Variants in MYRF observed in about 807,000 individuals in gnomAD.
The protein encoded by MYRF is myelin regulatory factor, also known as myelin gene regulatory factor.
Under a neutral mutation model 126.3 loss-of-function variants are expected in MYRF, and 16 were observed. The ratio of observed to expected loss-of-function variants is 0.13; its 90% CI spans 0.09 to 0.19. The LOEUF (loss-of-function observed/expected upper bound fraction) is 0.19. Ranked by LOEUF, MYRF falls within the 10% of genes least tolerant of loss-of-function variation. The pLI is 1.00. For synonymous variants in MYRF, 608 were observed against 635.3 expected (o/e 0.96, Z 0.65); for missense variants, 1,104 against 1,547.0 (o/e 0.71, Z 4.80).
intron 1 of MYRF, among the ~76,000 whole-genome samples, chr11:61,762,475 T>C (rs1218653703): frequency 6.6e-6 from 1 of 152,188 alleles, no homozygotes; most frequent in African/African-American, 2.4e-5. Flanking sequence ...ATATGGCCCA[T>C]GTTCCGCTTC....
At chr11:61,768,494 A>C (rs532846039) in intron 3 of MYRF, 7 of 152,394 alleles carry the variant, frequency 4.6e-5, no homozygotes, top group African/African-American at 1.7e-4. Flanking sequence ...AGGTTTCTAC[A>C]TGAGGCCCCG....
rs1186754927 is a variant in MYRF, at chr11:61,757,315, G to C, written c.46+4525G>C. On this transcript the variant is annotated intron_variant, in intron 1 of 26. Transcript: ENST00000278836. This position sits in a 1 kb window ranked among gnomAD's most constrained non-coding sequence, Gnocchi z 4.7. ...TTCCTAGCTCTCCTGCTTACCCACA[G>C]TGCTTCTCTTGGCCGTATCAGGGCA... The C allele has an allele frequency of 2.2e-6, 1 of 456,546 alleles. No homozygotes were observed. The allele number at this position is 456,546 out of a possible 1,614,324, so 28.3% of individuals were successfully genotyped here.
intron 1 of MYRF, among the ~76,000 whole-genome samples, chr11:61,762,009 C>T (rs1255409092): frequency 2.6e-5 from 4 of 152,184 alleles, no homozygotes; most frequent in African/African-American, 9.7e-5. Context: ...TTACAACGCC[C>T]CTGCCCATCC....
chr11:61,756,018 GGTAA>G (rs2065741106), intron 1 of MYRF, among the ~76,000 whole-genome samples: 2 of 152,166 alleles, frequency 1.3e-5, no homozygotes, highest in African/African-American at 4.8e-5. Context: ...CCCCTCCCAG[GGTAA>G]GTAAGTGGGT....
In MYRF at chr11:61,776,840, C is replaced by T. The variant is rs562652459; in HGVS notation, c.1553C>T (p.Thr518Met). The change falls in exon 11 of 27, where the codon ACG becomes ATG. Residue 518 changes from threonine (T) to methionine (M), a missense_variant. Around this residue, in one of 10 missense-constraint regions of MYRF, gnomAD observed 48 missense variants for 148.2 expected, o/e 0.32. Coordinates refer to ENST00000278836, the MANE Select transcript of MYRF (RefSeq NM_001127392.3). The surrounding 1 kb of genome is among the most constrained non-coding windows in gnomAD (Gnocchi z 4.3). ...GCTCATGCACAGAACCAGAACTACA[C>T]GCTGGCCGCCCAGATCTCAGAGCGC... Reference protein sequence around the residue: ...LQAHAQNQNYTLAAQISERII... With the variant: ...LQAHAQNQNYMLAAQISERII... 47 of 1,608,474 alleles carry T rather than the reference C, an allele frequency of 2.9e-5. No homozygotes were observed. The highest frequency in any genetic ancestry group is 2.5e-4 in the East Asian group (11 of 44,674).
rs2065798519 is a variant in MYRF at position 61,757,704 on chromosome 11, C to A, written c.46+4914C>A. The A allele has an allele frequency of 5.3e-6, 2 of 374,076 alleles. No individual in the cohort carries two copies. Among genetic ancestry groups the A allele is most frequent in the Admixed American group, 3.3e-5 (1 of 30,266 alleles). The allele number at this position is 374,076 out of a possible 1,614,324, so 23.2% of individuals were successfully genotyped here. ...CTGCCAGCAAGGAGGAGGGGCTTGG[C>A]TGTATTGTGACTTCATCTGCTGCAC... On this transcript the variant is annotated intron_variant, in intron 1 of 26. Coordinates refer to ENST00000278836, the MANE Select transcript of MYRF (RefSeq NM_001127392.3). This position sits in a 1 kb window ranked among gnomAD's most constrained non-coding sequence, Gnocchi z 4.7.
chr11:61,780,175 T>G, intron 17 of MYRF, 47 bp from the exon 18 acceptor site: 1 of 1,603,126 alleles, frequency 6.2e-7, no homozygotes, highest in Non-Finnish European at 8.5e-7. Flanking sequence ...GAGAGGGCAC[T>G]GGATGGTGGC....
At position 61,783,760 on chromosome 11, in the gene MYRF, C is replaced by A; in HGVS notation, c.3120-91C>A. 2 of 1,416,588 alleles carry A rather than the reference C, an allele frequency of 1.4e-6. No individual in the cohort carries two copies. Among genetic ancestry groups the A allele is most frequent in the South Asian group, 1.2e-5 (1 of 81,126 alleles). 87.8% of individuals were successfully genotyped at this position (1,416,588 alleles called of 1,614,324 possible). A position where few individuals can be genotyped will look rare whatever the true frequency, so the allele number is the denominator to read the frequency against. On this transcript the variant is annotated intron_variant, in intron 23 of 26. Coordinates refer to ENST00000278836, the MANE Select transcript of MYRF (RefSeq NM_001127392.3). This position sits in a 1 kb window ranked among gnomAD's most constrained non-coding sequence, Gnocchi z 4.6. ...CTTGGACACTGTCTCTTCTGGAGGGCTCCAGTACAGATTGGGGGCTGAGGA... is the reference window on the plus strand; with the variant it reads ...CTTGGACACTGTCTCTTCTGGAGGGATCCAGTACAGATTGGGGGCTGAGGA...
rs1347481176 is a variant in MYRF at position 61,774,014 on chromosome 11, C to T, written c.1163C>T (p.Ser388Leu). ...GATGCGGACAAGGGCTTCAACTTTT[C>T]GGTGGGCGACGACGCCTTTGTGTGC... ...RVDADKGFNF[S>L]VGDDAFVCQK... The change falls in exon 8 of 27, where the codon TCG (serine) becomes TTG (leucine). Residue 388 changes from serine (S) to leucine (L), a missense_variant. By Grantham distance (145) the Ser-to-Leu change is moderately radical (BLOSUM62 -2). Around this residue, in one of 10 missense-constraint regions of MYRF, gnomAD observed 87 missense variants for 129.2 expected, o/e 0.67. Coordinates refer to ENST00000278836, the MANE Select transcript of MYRF (RefSeq NM_001127392.3). 2 of 1,607,850 alleles carry T rather than the reference C, an allele frequency of 1.2e-6. No homozygotes were observed. The highest frequency in any genetic ancestry group is 2.7e-5 in the African/African-American group (2 of 74,776).
chr11:61,768,963 T>C (rs2135768872), intron 3 of MYRF, among the ~76,000 whole-genome samples: 1 of 152,224 alleles, frequency 6.6e-6, no homozygotes, highest in Admixed American at 6.5e-5. Flanking sequence ...GCCTTCGGTC[T>C]GGGGCGGGAG....
At position 61,771,859 on chromosome 11, in the gene MYRF, G is replaced by C. The variant is rs772784092; in HGVS notation, c.1022G>C (p.Gly341Ala). Reference sequence around the variant, plus strand: ...CTGCAGGACAGTGACAGCCTCAGTGGCTCCTACCTGGACCCCAACTACCAG... The same window carrying C: ...CTGCAGGACAGTGACAGCCTCAGTGCCTCCTACCTGGACCCCAACTACCAG... ...GLLQDSDSLS[G>A]SYLDPNYQSI... The change falls in exon 7 of 27, where the codon GGC becomes GCC. Residue 341 changes from glycine to alanine, a missense_variant. Physicochemically the swap from Gly to Ala is moderately conservative, Grantham distance 60. This residue lies in a region of MYRF where 87 missense variants were observed against 129.2 expected (regional missense o/e 0.67). Coordinates refer to ENST00000278836, the MANE Select transcript of MYRF (RefSeq NM_001127392.3). 1.5e-5 allele frequency: 24 copies of C among 1,614,022 alleles called. 1 individual carries two copies. The highest frequency in any genetic ancestry group is 2.5e-6 in the Non-Finnish European group (3 of 1,180,026).
At position 61,783,750 on chromosome 11, in the gene MYRF, T is replaced by A. The variant is rs531738469; in HGVS notation, c.3120-101T>A. On this transcript the variant is annotated intron_variant, in intron 23 of 26. Transcript: ENST00000278836. This position sits in a 1 kb window ranked among gnomAD's most constrained non-coding sequence, Gnocchi z 4.6. Reference sequence around the variant, plus strand: ...CCAGGCTACCCTTGGACACTGTCTCTTCTGGAGGGCTCCAGTACAGATTGG... The same window carrying A: ...CCAGGCTACCCTTGGACACTGTCTCATCTGGAGGGCTCCAGTACAGATTGG... The A allele has an allele frequency of 3.6e-6, 5 of 1,393,944 alleles. No individual in the cohort carries two copies. In the African/African-American group the frequency reaches 7.1e-5, roughly 20 times the overall value. The allele number at this position is 1,393,944 out of a possible 1,614,324, so 86.3% of individuals were successfully genotyped here.
At chr11:61,771,129 T>C (rs1282898027) in intron 5 of MYRF, among the ~76,000 whole-genome samples, 1 of 152,160 alleles carries the variant, frequency 6.6e-6, no homozygotes, top group Admixed American at 6.5e-5. Context: ...GGGCCTGCTC[T>C]CCATAGAGCC....
intron 1 of MYRF, among the ~76,000 whole-genome samples, chr11:61,753,374 G>A (rs758083561): frequency 2.0e-5 from 3 of 151,786 alleles, no homozygotes; most frequent in South Asian, 2.1e-4. Flanking sequence ...GACCACTTTC[G>A]AGCCTGGATC....
intron 7 of MYRF, among the ~76,000 whole-genome samples, chr11:61,773,269 T>C (rs1056686494): frequency 1.3e-5 from 2 of 152,170 alleles, no homozygotes; most frequent in African/African-American, 4.8e-5. Context: ...ATTACAGGCG[T>C]GAGCCACCGC....
rs2066737955 is a variant in MYRF, at chr11:61,788,188, C to T, written c.*2045C>T. 1 of 152,780 alleles carries T rather than the reference C, an allele frequency of 6.5e-6. No individual in the cohort carries two copies. Among genetic ancestry groups the T allele is most frequent in the Admixed American group, 6.5e-5 (1 of 15,276 alleles). The allele number at this position is 152,780 out of a possible 1,614,324, so 9.5% of individuals were successfully genotyped here. ...CTGGGGTCCAGCAGGTCATCCCTCC[C>T]TTCTTCTCTCTCCTTTGGCGTTTGT... On this transcript the variant is annotated 3_prime_UTR_variant, in exon 27 of 27. Transcript: ENST00000278836.
chr11:61,781,530 G>GCCAGCTT (rs1160200524), intron 21 of MYRF, 43 bp from the exon 22 acceptor site: 1 of 1,589,856 alleles, frequency 6.3e-7, no homozygotes, highest in Non-Finnish European at 8.6e-7. Flanking sequence ...ACAGGAAGCA[G>GCCAGCTT]CCAGCTTCCA....
chr11:61,780,809 G>A lies in MYRF; in HGVS notation c.2486+17G>A, dbSNP rs777352919. 4 of 1,546,662 alleles carry A rather than the reference G, an allele frequency of 2.6e-6. No homozygotes were observed. Among genetic ancestry groups the A allele is most frequent in the Admixed American group, 3.9e-5 (2 of 51,352 alleles). On this transcript the variant is annotated intron_variant, in intron 19 of 26. Coordinates refer to ENST00000278836, the MANE Select transcript of MYRF (RefSeq NM_001127392.3). ...GTGCCCATGGTACGTGCTGACCAGC[G>A]CCCCTCTCCTCTGGCTCCTGCTGCC...
intron 2 of MYRF, 32 bp from the exon 3 acceptor site, chr11:61,765,926 G>T: frequency 6.8e-7 from 1 of 1,475,448 alleles, no homozygotes; most frequent in Non-Finnish European, 9.0e-7. Flanking sequence ...CTGGGGTCCT[G>T]GCTGGAGCTG....
Sources: allele counts gnomAD v4.1 joint callset (sites outside exome capture counted in the v4.1 genomes callset), GRCh38; gene constraint gnomAD v4.1.1; regional missense constraint gnomAD v4.1.1; non-coding constraint Gnocchi (gnomAD v3.1); transcripts MANE v1.5; gene names NCBI Gene and HGNC (gene_info 2026-07-23, HGNC 2026-07-21).